Variants in DKK2 observed in about 807,000 individuals in gnomAD.
The protein encoded by DKK2 is dickkopf Wnt signaling pathway inhibitor 2.
In DKK2, 11 loss-of-function variants were observed where a neutral mutation model predicts 28.1. The observed-to-expected ratio is 0.39, with a 90% confidence interval of 0.25 to 0.65. The LOEUF is 0.65. Among genes scored for constraint, DKK2 ranks in the 30% least tolerant of loss-of-function variants. The pLI, the probability that DKK2 is intolerant of heterozygous loss-of-function variation, is 0.47. For missense variants in DKK2, 326 were observed against 335.5 expected (o/e 0.97, Z 0.22); for synonymous variants, 135 against 126.5 (o/e 1.07, Z -0.45).
At chr4:106,936,105 A>G (rs1724583423) in intron 1 of DKK2, among the ~76,000 whole-genome samples, 3 of 152,190 alleles carry the variant, frequency 2.0e-5, no homozygotes, top group African/African-American at 7.2e-5. Context: ...AATGGAACAA[A>G]GCTGGATGGA....
chr4:107,033,397 C>A (rs1348524600), intron 1 of DKK2, among the ~76,000 whole-genome samples: 1 of 152,084 alleles, frequency 6.6e-6, no homozygotes, highest in African/African-American at 2.4e-5. Context: ...AATTAAGTAG[C>A]TATTTGGAGA....
At chr4:107,003,399 T>C (rs1021295756) in intron 1 of DKK2, among the ~76,000 whole-genome samples, 1 of 152,238 alleles carries the variant, frequency 6.6e-6, no homozygotes, top group African/African-American at 2.4e-5. Flanking sequence ...GGCCCTAGCA[T>C]TGTGCTCACG....
At chr4:106,943,202 G>A (rs187125713) in intron 1 of DKK2, among the ~76,000 whole-genome samples, 1 of 152,206 alleles carries the variant, frequency 6.6e-6, no homozygotes, top group East Asian at 1.9e-4. Flanking sequence ...CCTGCATGTT[G>A]CTGACACCAC....
chr4:106,926,443 A>G (rs898412443), intron 1 of DKK2, among the ~76,000 whole-genome samples: 5 of 152,168 alleles, frequency 3.3e-5, no homozygotes, highest in African/African-American at 1.2e-4. Context: ...TTAAAAGTGA[A>G]CCCTTTCAGT....
chr4:106,947,217 CTT>C (rs200921359), intron 1 of DKK2, among the ~76,000 whole-genome samples: 3,653 of 152,086 alleles, frequency 0.024, 61 homozygotes, highest in Non-Finnish European at 0.036. Flanking sequence ...AGTGCCTTGA[CTT>C]ATTTATTTAT....
intron 1 of DKK2, among the ~76,000 whole-genome samples, chr4:107,019,395 G>A (rs1723659310): frequency 6.6e-6 from 1 of 151,888 alleles, no homozygotes; most frequent in Non-Finnish European, 1.5e-5. Context: ...CATCCTTCCT[G>A]CTTGATTACC....
intron 1 of DKK2, among the ~76,000 whole-genome samples, chr4:107,025,576 G>C (rs1218103416): frequency 2.6e-5 from 4 of 152,142 alleles, no homozygotes; most frequent in African/African-American, 9.7e-5. Context: ...AAAAGGACAA[G>C]CAGCCTGCAT....
Position 106,923,654 on chromosome 4 carries a change from A to G in DKK2, c.*300T>C, listed in dbSNP as rs942526944. ...ACAACCTAAACTCTTGGAAAGTCAC[A>G]TGCTACTCATCAGTAATTTCCACTG... is the stretch of plus-strand genomic sequence containing the variant. On this transcript the variant is annotated 3_prime_UTR_variant, in exon 4 of 4. Transcript: ENST00000285311. 11 of 310,660 alleles carry G rather than the reference A, an allele frequency of 3.5e-5. 1 individual carries two copies. In the Admixed American group the frequency reaches 4.2e-4, roughly 12 times the overall value. 19.2% of individuals were successfully genotyped at this position (310,660 alleles called of 1,614,324 possible).
intron 1 of DKK2, among the ~76,000 whole-genome samples, chr4:106,979,162 T>G (rs1190250266): frequency 2.0e-5 from 3 of 152,140 alleles, no homozygotes; most frequent in African/African-American, 7.2e-5. Context: ...GATGTGGTGT[T>G]GAAGAATAAA....
At chr4:106,972,738 T>C (rs1318640018) in intron 1 of DKK2, among the ~76,000 whole-genome samples, 1 of 152,090 alleles carries the variant, frequency 6.6e-6, no homozygotes, top group Non-Finnish European at 1.5e-5. Context: ...TATGACTTCA[T>C]ATTAATCTTT....
intron 1 of DKK2, among the ~76,000 whole-genome samples, chr4:106,974,285 A>G (rs1200421857): frequency 1.3e-5 from 2 of 152,076 alleles, no homozygotes; most frequent in Non-Finnish European, 2.9e-5. Flanking sequence ...AAGAAAGTCA[A>G]TGGTAGCTTG....
chr4:106,924,159 C>A lies in DKK2; in HGVS notation c.575G>T (p.Gly192Val), dbSNP rs1411832195. Residue 192 changes from glycine to valine, a missense_variant, in exon 4 of 4, where the codon GGG becomes GTG. Coordinates refer to ENST00000285311, the MANE Select transcript of DKK2 (RefSeq NM_014421.3). ...PCLRSSDCIE[G>V]FCCARHFWTK... ...CCAGAAATGACGAGCACAGCAAAAC[C>A]CTTCAATGCAGTCTGATGATCGTAG... is the stretch of plus-strand genomic sequence containing the variant. 1 of 1,613,932 alleles carries A rather than the reference C, an allele frequency of 6.2e-7. No individual in the cohort carries two copies. Among genetic ancestry groups the A allele is most frequent in the Admixed American group, 1.7e-5 (1 of 59,998 alleles).
intron 1 of DKK2, among the ~76,000 whole-genome samples, chr4:106,951,835 T>TA: frequency 6.6e-6 from 1 of 152,332 alleles, no homozygotes; most frequent in South Asian, 2.1e-4. Context: ...TTTTAAAATT[T>TA]TCTGCAAAAT....
intron 1 of DKK2, among the ~76,000 whole-genome samples, chr4:107,026,493 C>T (rs1723782033): frequency 1.3e-5 from 2 of 152,172 alleles, no homozygotes; most frequent in South Asian, 4.1e-4. Flanking sequence ...ACATGAGTTT[C>T]TTTAACAAGT....
intron 1 of DKK2, among the ~76,000 whole-genome samples, chr4:107,001,062 A>C (rs974803390): frequency 9.9e-5 from 15 of 152,242 alleles, no homozygotes; most frequent in Middle Eastern, 3.4e-3. Context: ...CTGACGAAAA[A>C]AAAAACAAAA....
intron 1 of DKK2, among the ~76,000 whole-genome samples, chr4:106,964,741 C>G (rs919486222): frequency 6.6e-6 from 1 of 152,076 alleles, no homozygotes; most frequent in Non-Finnish European, 1.5e-5. Context: ...TGGGACTCAT[C>G]TAATCAGTTG....
At chr4:107,004,645 G>A (rs754870336) in intron 1 of DKK2, among the ~76,000 whole-genome samples, 3 of 152,114 alleles carry the variant, frequency 2.0e-5, no homozygotes, top group Non-Finnish European at 2.9e-5. Context: ...ATAGTCCCCC[G>A]AAGATATCTA....
chr4:106,943,956 T>C (rs907017942), intron 1 of DKK2, among the ~76,000 whole-genome samples: 1 of 152,074 alleles, frequency 6.6e-6, no homozygotes, highest in Non-Finnish European at 1.5e-5. Context: ...AACAATTATT[T>C]CTAAGTTGTC....
chr4:107,008,089 C>A (rs1004713988), intron 1 of DKK2, among the ~76,000 whole-genome samples: 2 of 151,872 alleles, frequency 1.3e-5, no homozygotes, highest in African/African-American at 2.4e-5. Flanking sequence ...AAAACAGAGC[C>A]AAAAGAAAAT....
Sources: gnomAD v4.1 joint callset for allele counts (sites outside exome capture counted in the v4.1 genomes callset) on GRCh38, gnomAD v4.1.1 for gene constraint, MANE v1.5 for transcripts, NCBI Gene and HGNC (gene_info 2026-07-23, HGNC 2026-07-21) for gene names.